Variants in ZNF362 observed in about 807,000 individuals in gnomAD.
The protein encoded by ZNF362 is zinc finger protein 362, also known as rotund homolog.
ZNF362 carries 11 observed loss-of-function variants against 42.9 expected under a neutral mutation model. That is an observed-to-expected ratio of 0.26 (90% confidence interval 0.16 to 0.42). The LOEUF is 0.42. Among genes scored for constraint, ZNF362 ranks in the 20% least tolerant of loss-of-function variants. The probability of loss-of-function intolerance (pLI) is 1.00; values close to 1 mark genes in which losing one functional copy is unlikely to be tolerated. For missense variants in ZNF362, 362 were observed against 576.2 expected (o/e 0.63, Z 3.81); for synonymous variants, 255 against 257.3 (o/e 0.99, Z 0.09).
At chr1:33,167,360 T>C in the ZNF362 span, among the ~76,000 whole-genome samples, 1 of 152,248 alleles carries the variant, frequency 6.6e-6, no homozygotes, top group Non-Finnish European at 1.5e-5. This position sits in a 1 kb window ranked among gnomAD's most constrained non-coding sequence, Gnocchi z 4.2. Context: ...CCCTGCCTTA[T>C]GCCCAGGGAC....
the ZNF362 span, among the ~76,000 whole-genome samples, chr1:33,139,210 T>C: frequency 4.0e-4 from 61 of 152,226 alleles, no homozygotes; most frequent in Non-Finnish European, 7.9e-4. Context: ...GTCGGGGGAA[T>C]GATCAGTGAG....
chr1:33,289,456 G>T (rs982133726), intron 6 of ZNF362, among the ~76,000 whole-genome samples: 1 of 152,132 alleles, frequency 6.6e-6, no homozygotes, highest in African/African-American at 2.4e-5. Context: ...AGAGGCTGAG[G>T]CTGGGAGTCA....
chr1:33,254,724 TCCTCTC>T (rs1645776026), upstream of ZNF362, among the ~76,000 whole-genome samples: 1 of 143,632 alleles, frequency 7.0e-6, no homozygotes, highest in Non-Finnish European at 1.6e-5. Context: ...GTTACTCCTT[TCCTCTC>T]CCTTTCCATA....
At chr1:33,279,812 T>C (rs1645978035) in intron 4 of ZNF362, among the ~76,000 whole-genome samples, 2 of 152,222 alleles carry the variant, frequency 1.3e-5, no homozygotes, top group South Asian at 4.1e-4. Context: ...TACCGAATCC[T>C]TCCCTAATGT....
At chr1:33,151,072 T>C in the ZNF362 span, among the ~76,000 whole-genome samples, 2 of 152,022 alleles carry the variant, frequency 1.3e-5, no homozygotes, top group Non-Finnish European at 2.9e-5. Flanking sequence ...GTAGCTTATG[T>C]AGGACAATGT....
the ZNF362 span, among the ~76,000 whole-genome samples, chr1:33,172,551 G>A: frequency 6.6e-6 from 1 of 152,166 alleles, no homozygotes; most frequent in Non-Finnish European, 1.5e-5. Context: ...ATCGGAGCGG[G>A]GGTGGGCCGG....
At chr1:33,179,434 G>T in the ZNF362 span, among the ~76,000 whole-genome samples, 1 of 152,212 alleles carries the variant, frequency 6.6e-6, no homozygotes, top group Non-Finnish European at 1.5e-5. Flanking sequence ...TGGAGGGGTT[G>T]GGAGCCCCTA....
chr1:33,208,751 G>T, the ZNF362 span, among the ~76,000 whole-genome samples: 1 of 152,114 alleles, frequency 6.6e-6, no homozygotes, highest in African/African-American at 2.4e-5. Flanking sequence ...AGGAATGCTT[G>T]TGATTTTTGC....
At chr1:33,283,363 C>T (rs970866449) in intron 6 of ZNF362, among the ~76,000 whole-genome samples, 1 of 152,024 alleles carries the variant, frequency 6.6e-6, no homozygotes, top group Admixed American at 6.6e-5. Context: ...GATGTTTTAC[C>T]TTGTCTATTT....
chr1:33,161,853 C>G, the ZNF362 span, among the ~76,000 whole-genome samples: 2 of 152,198 alleles, frequency 1.3e-5, no homozygotes, highest in South Asian at 4.1e-4. This position sits in a 1 kb window ranked among gnomAD's most constrained non-coding sequence, Gnocchi z 4.3. Context: ...CCTCCCATCT[C>G]TGTGACTGCT....
At chr1:33,149,596 A>G in the ZNF362 span, among the ~76,000 whole-genome samples, 10 of 151,872 alleles carry the variant, frequency 6.6e-5, no homozygotes, top group Non-Finnish European at 1.5e-4. Flanking sequence ...CTGAGACTAT[A>G]GGCATGCATC....
chr1:33,250,519 A>G, the ZNF362 span, among the ~76,000 whole-genome samples: 11 of 152,340 alleles, frequency 7.2e-5, no homozygotes, highest in Admixed American at 2.0e-4. Flanking sequence ...TCTCACTTGT[A>G]AGTGGGAGCT....
At chr1:33,233,865 T>C in the ZNF362 span, among the ~76,000 whole-genome samples, 4 of 152,322 alleles carry the variant, frequency 2.6e-5, no homozygotes, top group East Asian at 7.7e-4. Flanking sequence ...AATATGGAAC[T>C]GGGATGCCTC....
Position 33,280,031 on chromosome 1 carries a change from A to T in ZNF362, c.350-93A>T. 3 of 1,431,072 alleles carry T rather than the reference A, an allele frequency of 2.1e-6. No individual in the cohort carries two copies. Among genetic ancestry groups the T allele is most frequent in the Non-Finnish European group, 2.8e-6 (3 of 1,079,020 alleles). The allele number at this position is 1,431,072 out of a possible 1,614,324, so 88.6% of individuals were successfully genotyped here. ...GTAATAACTTATGAACGTTAAGGGG[A>T]TGCTCGCCTGCCAAAATCACATAGC... On this transcript the variant is annotated intron_variant, in intron 4 of 8. Coordinates refer to ENST00000539719, the MANE Select transcript of ZNF362 (RefSeq NM_152493.3). This position sits in a 1 kb window ranked among gnomAD's most constrained non-coding sequence, Gnocchi z 5.6.
intron 1 of ZNF362, 82 bp from the exon 2 acceptor site, chr1:33,270,405 C>G: frequency 1.7e-6 from 1 of 588,674 alleles, no homozygotes; most frequent in Non-Finnish European, 3.1e-6. Flanking sequence ...ATATTCAACA[C>G]ATAGATGTTG....
the ZNF362 span, among the ~76,000 whole-genome samples, chr1:33,202,433 A>G: frequency 6.6e-6 from 1 of 152,156 alleles, no homozygotes; most frequent in African/African-American, 2.4e-5. Context: ...TGTCTCTACT[A>G]AAAATACAAA....
the ZNF362 span, among the ~76,000 whole-genome samples, chr1:33,236,550 A>AATATATATATATAT: frequency 1.3e-3 from 8 of 5,972 alleles, no homozygotes; most frequent in South Asian, 0.019. Flanking sequence ...AAAAAAAAAA[A>AATATATATATATAT]ATATATATAT....
the ZNF362 span, among the ~76,000 whole-genome samples, chr1:33,167,505 G>A: frequency 7.2e-5 from 11 of 152,080 alleles, no homozygotes; most frequent in East Asian, 1.9e-4. The surrounding 1 kb of genome is among the most constrained non-coding windows in gnomAD (Gnocchi z 4.2). Context: ...TCTCTTCTTC[G>A]TCCCCGTATT....
chr1:33,288,765 A>G (rs12725116), intron 6 of ZNF362, among the ~76,000 whole-genome samples: 14,358 of 132,418 alleles, frequency 0.11, 1,262 homozygotes, highest in Non-Finnish European at 0.17. Context: ...AAAAAAAAGA[A>G]GCGTGACCAC....
Sources: allele counts gnomAD v4.1 joint callset (sites outside exome capture counted in the v4.1 genomes callset), GRCh38; gene constraint gnomAD v4.1.1; non-coding constraint Gnocchi (gnomAD v3.1); transcripts MANE v1.5; gene names NCBI Gene and HGNC (gene_info 2026-07-23, HGNC 2026-07-21).